The following COL24A1 variants were observed in gnomAD, a reference collection of about 807,000 sequenced individuals.
COL24A1 encodes the protein collagen type XXIV alpha 1 chain, also known as collagen alpha-1(XXIV) chain.
Under a neutral mutation model 253.9 loss-of-function variants are expected in COL24A1, and 224 were observed. The ratio of observed to expected loss-of-function variants is 0.88; its 90% CI spans 0.79 to 0.99. The LOEUF (loss-of-function observed/expected upper bound fraction) is 0.99, where lower values mean the gene tolerates loss of function less well. Ranked by LOEUF, COL24A1 falls within the 50% of genes least tolerant of loss-of-function variation. The pLI is 0.00. For synonymous variants in COL24A1, 685 were observed against 673.7 expected (o/e 1.02, Z -0.26); for missense variants, 2,131 against 2,068.5 (o/e 1.03, Z -0.59).
intron 10 of COL24A1, among the ~76,000 whole-genome samples, chr1:86,056,243 T>C (rs1455008170): frequency 6.6e-6 from 1 of 152,170 alleles, no homozygotes; most frequent in Non-Finnish European, 1.5e-5. Context: ...ACATGACTTT[T>C]CCTCATTATG....
At chr1:85,875,229 T>A in intron 34 of COL24A1, 48 bp downstream of exon 34, 1 of 1,510,308 alleles carries the variant, frequency 6.6e-7, no homozygotes, top group Non-Finnish European at 9.2e-7. Context: ...ATGTAGGGGG[T>A]TCAATGGTGA....
chr1:86,000,199 A>G (rs947191389), intron 19 of COL24A1, among the ~76,000 whole-genome samples: 3 of 152,098 alleles, frequency 2.0e-5, no homozygotes, highest in African/African-American at 4.8e-5. Context: ...ACCCTTCTCT[A>G]TCCTTTCATT....
chr1:86,048,129 T>C (rs1261564273), intron 11 of COL24A1, among the ~76,000 whole-genome samples: 1 of 148,276 alleles, frequency 6.7e-6, no homozygotes, highest in Non-Finnish European at 1.5e-5. Flanking sequence ...TCCCTAAATC[T>C]CATCAAGAAG....
intron 24 of COL24A1, among the ~76,000 whole-genome samples, chr1:85,924,313 T>C (rs1322532173): frequency 6.6e-6 from 1 of 152,124 alleles, no homozygotes; most frequent in African/African-American, 2.4e-5. Flanking sequence ...CTCCTTAACT[T>C]ATTTTATGAG....
intron 32 of COL24A1, among the ~76,000 whole-genome samples, chr1:85,878,147 C>A (rs762253175): frequency 1.3e-5 from 2 of 152,120 alleles, no homozygotes; most frequent in Non-Finnish European, 2.9e-5. Context: ...TTTTAGTTCA[C>A]TCAGGATTCT....
chr1:85,885,397 A>ATATATATATATATT (rs60994639), intron 32 of COL24A1, among the ~76,000 whole-genome samples: 3 of 128,900 alleles, frequency 2.3e-5, no homozygotes, highest in Non-Finnish European at 4.8e-5. Context: ...ATATATATAT[A>ATATATATATATATT]TTTTTTTTTT....
rs558318004 is a variant in COL24A1, at chr1:86,049,828, C to T, written c.1905+296G>A. On this transcript the variant is annotated intron_variant, in intron 11 of 59. Transcript: ENST00000370571. ...ACTCTTGACATATACTTTTGTAATT[C>T]ATTATAATGAATTACAAAATAAAAA... Among the ~76,000 whole-genome samples, 7 of 151,806 alleles carry T rather than the reference C, an allele frequency of 4.6e-5. No homozygotes were observed. In the South Asian group the frequency reaches 1.5e-3, roughly 32 times the overall value.
chr1:86,138,835 C>CA (rs1226417550), intron 2 of COL24A1, among the ~76,000 whole-genome samples: 1 of 151,640 alleles, frequency 6.6e-6, no homozygotes, highest in Non-Finnish European at 1.5e-5. Context: ...CTTGCCATAA[C>CA]AAAGCTTATC....
intron 7 of COL24A1, among the ~76,000 whole-genome samples, chr1:86,071,341 A>G (rs1459632202): frequency 6.6e-6 from 1 of 152,174 alleles, no homozygotes; most frequent in African/African-American, 2.4e-5. Flanking sequence ...AAGAAGGAAG[A>G]GAAGACCACA....
intron 19 of COL24A1, among the ~76,000 whole-genome samples, chr1:86,009,806 TATATGACATC>T (rs1322661423): frequency 6.6e-6 from 1 of 152,166 alleles, no homozygotes; most frequent in Admixed American, 6.5e-5. Flanking sequence ...ATGAAGGCAT[TATATGACATC>T]ACCAGGTGAT....
intron 12 of COL24A1, among the ~76,000 whole-genome samples, chr1:86,043,835 A>G (rs564943576): frequency 1.3e-5 from 2 of 152,254 alleles, no homozygotes; most frequent in African/African-American, 4.8e-5. Context: ...TCAAACTTCT[A>G]AATAGCTCTC....
At chr1:86,128,434 A>G (rs1187471722) in intron 2 of COL24A1, among the ~76,000 whole-genome samples, 2 of 152,040 alleles carry the variant, frequency 1.3e-5, no homozygotes, top group Non-Finnish European at 1.5e-5. Context: ...TAAAGTATAT[A>G]TGATCATAAA....
intron 6 of COL24A1, among the ~76,000 whole-genome samples, chr1:86,091,819 A>G (rs1703510556): frequency 6.6e-6 from 1 of 152,158 alleles, no homozygotes. Flanking sequence ...TCTCAATGGG[A>G]AAACAAGATA....
intron 20 of COL24A1, among the ~76,000 whole-genome samples, chr1:85,977,693 C>T (rs951338647): frequency 1.4e-4 from 21 of 152,036 alleles, no homozygotes; most frequent in African/African-American, 4.8e-4. Flanking sequence ...ACAAGAACAA[C>T]AAAAAAAGAA....
intron 24 of COL24A1, among the ~76,000 whole-genome samples, chr1:85,914,573 T>G (rs1685708508): frequency 6.6e-6 from 1 of 151,980 alleles, no homozygotes; most frequent in Non-Finnish European, 1.5e-5. Context: ...GTATTTTCAG[T>G]AGAGACAGGG....
At chr1:86,042,582 T>C (rs1287888238) in intron 12 of COL24A1, among the ~76,000 whole-genome samples, 1 of 152,112 alleles carries the variant, frequency 6.6e-6, no homozygotes, top group Non-Finnish European at 1.5e-5. Flanking sequence ...AATATGCTAT[T>C]CTAAAATGTG....
At position 86,129,388 on chromosome 1, in the gene COL24A1, A is replaced by G. The variant is rs146965929; in HGVS notation, c.122-3174T>C. Among the ~76,000 whole-genome samples, 417 of 150,886 alleles carry G rather than the reference A, an allele frequency of 2.8e-3. 2 individuals carry two copies. Among genetic ancestry groups the G allele is most frequent in the Non-Finnish European group, 5.1e-3 (345 of 67,522 alleles). ...CAGCCTTCAGATTTATTTATCTACTATTTTTGTTCATTTTCTCTATCATTA... is the reference window on the plus strand; with the variant it reads ...CAGCCTTCAGATTTATTTATCTACTGTTTTTGTTCATTTTCTCTATCATTA... On this transcript the variant is annotated intron_variant, in intron 2 of 59. Transcript: ENST00000370571.
chr1:85,937,676 A>ATATTT (rs1277019365), intron 24 of COL24A1, among the ~76,000 whole-genome samples: 1 of 147,430 alleles, frequency 6.8e-6, no homozygotes, highest in Non-Finnish European at 1.5e-5. Context: ...CAACAAGGCT[A>ATATTT]ATATAAATAC....
At chr1:85,760,570 C>T (rs572111764) in intron 55 of COL24A1, among the ~76,000 whole-genome samples, 1 of 152,178 alleles carries the variant, frequency 6.6e-6, no homozygotes, top group African/African-American at 2.4e-5. Flanking sequence ...CAGGAAACCA[C>T]CACCTAGAAC....
Sources: gnomAD v4.1 joint callset for allele counts (sites outside exome capture counted in the v4.1 genomes callset) on GRCh38, gnomAD v4.1.1 for gene constraint, MANE v1.5 for transcripts, NCBI Gene and HGNC (gene_info 2026-07-23, HGNC 2026-07-21) for gene names.